Variants in ALMS1 observed in about 807,000 individuals in gnomAD.
The protein encoded by ALMS1 is centrosome-associated protein ALMS1.
Under a neutral mutation model 352.2 loss-of-function variants are expected in ALMS1, and 271 were observed. That is an observed-to-expected ratio of 0.77 (90% CI 0.70 to 0.85). The LOEUF is 0.85. ALMS1 is among the 40% of genes least tolerant of loss of function. ALMS1 has a pLI of 0.00. For missense variants in ALMS1, 5,445 were observed against 4,870.7 expected, an observed-to-expected ratio of 1.12 and a Z score of -3.51; for synonymous variants, 1,865 against 1,761.2, an observed-to-expected ratio of 1.06 and a Z score of -1.48.
At chr2:73,417,609 A>AT (rs1215742224) in intron 2 of ALMS1, among the ~76,000 whole-genome samples, 1 of 152,100 alleles carries the variant, frequency 6.6e-6, no homozygotes, top group Non-Finnish European at 1.5e-5. Flanking sequence ...AGGTGGGAGG[A>AT]TTAAGCGCTT....
intron 10 of ALMS1, among the ~76,000 whole-genome samples, chr2:73,507,759 T>C (rs1243578008): frequency 6.6e-6 from 1 of 152,324 alleles, no homozygotes; most frequent in Non-Finnish European, 1.5e-5. Context: ...GGAAGGGTTT[T>C]TCGTGTCTCT....
intron 1 of ALMS1, among the ~76,000 whole-genome samples, chr2:73,393,817 CTT>C (rs1379885347): frequency 7.0e-6 from 1 of 142,362 alleles, no homozygotes; most frequent in African/African-American, 2.6e-5. Flanking sequence ...CCAGGAAACA[CTT>C]TTTTTTTTTT....
intron 12 of ALMS1, among the ~76,000 whole-genome samples, chr2:73,548,938 G>C: frequency 6.6e-6 from 1 of 152,212 alleles, no homozygotes; most frequent in East Asian, 1.9e-4. Context: ...AGGCAAATAA[G>C]AGAAAGTGAT....
At chr2:73,408,239 A>G (rs1572904284) in intron 1 of ALMS1, among the ~76,000 whole-genome samples, 1 of 152,186 alleles carries the variant, frequency 6.6e-6, no homozygotes, top group East Asian at 1.9e-4. Context: ...CGCTGCTCCA[A>G]CCCCTTACTT....
chr2:73,514,392 AC>A (rs1673513608), intron 10 of ALMS1, among the ~76,000 whole-genome samples: 2 of 151,982 alleles, frequency 1.3e-5, no homozygotes, highest in Non-Finnish European at 2.9e-5. Context: ...TTAAATTAGT[AC>A]TTTTTTCGCT....
At chr2:73,588,190 A>T (rs1231701610) in intron 16 of ALMS1, among the ~76,000 whole-genome samples, 2 of 152,196 alleles carry the variant, frequency 1.3e-5, no homozygotes, top group African/African-American at 4.8e-5. Context: ...CCCTAATACC[A>T]AAACCAGGAA....
intron 1 of ALMS1, among the ~76,000 whole-genome samples, chr2:73,402,923 T>C (rs1234018759): frequency 6.6e-6 from 1 of 152,214 alleles, no homozygotes; most frequent in Non-Finnish European, 1.5e-5. Context: ...TCTTTATATA[T>C]TGTGGAAACT....
Position 73,432,303 on chromosome 2 carries a change from AAGG to A in ALMS1, c.1432+15_1432+17del, listed in dbSNP as rs1181984551. ...ACATTTAAAAGCAGGTACGTAGAAA[AAGG>A]AGATAGTAAATGTCCTACTTACGGA... On this transcript the variant is annotated intron_variant, in intron 7 of 22. Coordinates refer to ENST00000613296, the MANE Select transcript of ALMS1 (RefSeq NM_001378454.1). 6.3e-7 allele frequency: 1 copy of A among 1,584,978 alleles called. No individual in the cohort carries two copies. Among genetic ancestry groups the A allele is most frequent in the Non-Finnish European group, 8.7e-7 (1 of 1,153,898 alleles).
chr2:73,518,821 G>C (rs1673612722), intron 10 of ALMS1, among the ~76,000 whole-genome samples: 1 of 152,092 alleles, frequency 6.6e-6, no homozygotes, highest in Non-Finnish European at 1.5e-5. Flanking sequence ...CTGGATACTA[G>C]ACCTTTATCA....
chr2:73,498,567 A>G (rs1272855896), intron 10 of ALMS1, among the ~76,000 whole-genome samples: 1 of 151,252 alleles, frequency 6.6e-6, no homozygotes, highest in Non-Finnish European at 1.5e-5. Context: ...CAAACCCCTC[A>G]CTACCTTTCT....
At chr2:73,558,122 A>T (rs1430335996) in intron 14 of ALMS1, among the ~76,000 whole-genome samples, 1 of 152,210 alleles carries the variant, frequency 6.6e-6, no homozygotes, top group African/African-American at 2.4e-5. Flanking sequence ...CCAGACTTAG[A>T]CACATGGTCA....
At chr2:73,491,613 G>A in intron 10 of ALMS1, 115 bp downstream of exon 10, 1 of 1,130,924 alleles carries the variant, frequency 8.8e-7, no homozygotes, top group Non-Finnish European at 1.3e-6. Flanking sequence ...CTGAGTGGAG[G>A]TTGTGTCTGG....
At chr2:73,585,998 G>C (rs1425224199) in intron 16 of ALMS1, among the ~76,000 whole-genome samples, 1 of 152,098 alleles carries the variant, frequency 6.6e-6, no homozygotes, top group Admixed American at 6.5e-5. Flanking sequence ...GACCTCAAGT[G>C]ATCCACCTGC....
At chr2:73,605,976 TA>T in intron 21 of ALMS1, among the ~76,000 whole-genome samples, 1 of 152,314 alleles carries the variant, frequency 6.6e-6, no homozygotes, top group Non-Finnish European at 1.5e-5. Flanking sequence ...AATCTATATG[TA>T]AGCTGGATTT....
chr2:73,408,775 T>C, intron 2 of ALMS1, 28 bp downstream of exon 2: 1 of 1,610,892 alleles, frequency 6.2e-7, no homozygotes, highest in Non-Finnish European at 8.5e-7. Context: ...GGCTAACTTT[T>C]TTTTTTTGAT....
chr2:73,541,879 G>C (rs147020427), intron 12 of ALMS1, among the ~76,000 whole-genome samples: 1,565 of 152,268 alleles, frequency 0.01, 37 homozygotes, highest in African/African-American at 0.036. Flanking sequence ...ATAATCGATA[G>C]CTTACCAACC....
intron 7 of ALMS1, among the ~76,000 whole-genome samples, chr2:73,447,552 A>G (rs1159169512): frequency 6.6e-6 from 1 of 152,138 alleles, no homozygotes; most frequent in Non-Finnish European, 1.5e-5. Flanking sequence ...TTGCTGTACC[A>G]GGGATCATGA....
chr2:73,544,322 C>T (rs1416501295), intron 12 of ALMS1, among the ~76,000 whole-genome samples: 1 of 151,942 alleles, frequency 6.6e-6, no homozygotes, highest in Non-Finnish European at 1.5e-5. Flanking sequence ...ACAATGAGAA[C>T]ACATGGACAC....
intron 10 of ALMS1, among the ~76,000 whole-genome samples, chr2:73,494,861 T>C (rs1377538777): frequency 6.6e-6 from 1 of 152,246 alleles, no homozygotes; most frequent in Non-Finnish European, 1.5e-5. Context: ...ACTATACAAA[T>C]AACCTGTTTC....
Sources: allele counts gnomAD v4.1 joint callset (sites outside exome capture counted in the v4.1 genomes callset), GRCh38; gene constraint gnomAD v4.1.1; transcripts MANE v1.5; gene names NCBI Gene and HGNC (gene_info 2026-07-23, HGNC 2026-07-21).